Variants in EDA2R observed in about 807,000 individuals in gnomAD.
EDA2R encodes ectodysplasin A2 receptor.
A neutral mutation model predicts 20.1 loss-of-function variants in EDA2R; 26 were observed. That is an observed-to-expected ratio of 1.30 (90% CI 0.95 to 1.80). EDA2R has a LOEUF of 1.80. Among genes scored for constraint, EDA2R ranks in the 40% most tolerant of loss-of-function variants. The probability of loss-of-function intolerance (pLI) is 0.00; values close to 1 mark genes in which losing one functional copy is unlikely to be tolerated. For missense variants in EDA2R, 277 were observed against 228.7 expected (o/e 1.21, Z -1.36); for synonymous variants, 114 against 88.7 (o/e 1.29, Z -1.60).
At chrX:66,630,333 A>G (rs1343411451) in intron 1 of EDA2R, among the ~76,000 whole-genome samples, 1 of 111,703 alleles carries the variant, frequency 9.0e-6, no homozygotes, top group Non-Finnish European at 1.9e-5. Context: ...AAACAAAGAT[A>G]AATAGCCGGG....
At chrX:66,622,931 C>A (rs1288296345) in intron 1 of EDA2R, among the ~76,000 whole-genome samples, 4 of 112,246 alleles carry the variant, frequency 3.6e-5, no homozygotes, top group African/African-American at 1.3e-4. Flanking sequence ...TGGTCCTAGT[C>A]CCAGCTCTGC....
chrX:66,632,843 A>G (rs758235728), intron 1 of EDA2R, among the ~76,000 whole-genome samples: 16 of 112,162 alleles, frequency 1.4e-4, no homozygotes, highest in Non-Finnish European at 2.8e-4. Flanking sequence ...TGGGTACTAC[A>G]GTTTTTAATG....
At chrX:66,601,977 T>C (rs1928689769) in intron 5 of EDA2R, among the ~76,000 whole-genome samples, 1 of 111,948 alleles carries the variant, frequency 8.9e-6, no homozygotes, top group Non-Finnish European at 1.9e-5. Flanking sequence ...CTGTCTGATA[T>C]GGACTGGGCT....
intron 2 of EDA2R, among the ~76,000 whole-genome samples, chrX:66,615,262 T>A (rs1728329145): frequency 8.9e-6 from 1 of 112,054 alleles, no homozygotes; most frequent in African/African-American, 3.2e-5. Flanking sequence ...TAAACAAAAA[T>A]TGCATAAAAT....
intron 1 of EDA2R, among the ~76,000 whole-genome samples, chrX:66,618,801 CA>C (rs898981974): frequency 3.6e-5 from 4 of 111,067 alleles, no homozygotes; most frequent in Non-Finnish European, 7.5e-5. Context: ...TCACATCCAT[CA>C]AAAAAAGAGC....
At chrX:66,609,431 T>C (rs980090195) in intron 2 of EDA2R, among the ~76,000 whole-genome samples, 3 of 111,715 alleles carry the variant, frequency 2.7e-5, no homozygotes, top group Non-Finnish European at 3.8e-5. Context: ...CAATGGGATC[T>C]GACATGGGCA....
intron 1 of EDA2R, among the ~76,000 whole-genome samples, chrX:66,634,331 T>A (rs988506083): frequency 8.9e-6 from 1 of 111,991 alleles, no homozygotes; most frequent in Admixed American, 9.4e-5. Flanking sequence ...AAATGCACAT[T>A]CTTTGAGACC....
intron 2 of EDA2R, among the ~76,000 whole-genome samples, chrX:66,612,488 C>T (rs1294705630): frequency 9.0e-6 from 1 of 110,663 alleles, no homozygotes; most frequent in African/African-American, 3.3e-5. Context: ...GAAAAAGTAA[C>T]GTGTTAGTTT....
At chrX:66,615,050 A>C (rs941132580) in intron 2 of EDA2R, among the ~76,000 whole-genome samples, 2 of 111,574 alleles carry the variant, frequency 1.8e-5, no homozygotes, top group African/African-American at 6.5e-5. Flanking sequence ...TGAAGTAGCC[A>C]CCCAGTCACC....
intron 1 of EDA2R, among the ~76,000 whole-genome samples, chrX:66,623,795 T>A (rs1450195784): frequency 8.9e-6 from 1 of 111,907 alleles, no homozygotes; most frequent in East Asian, 2.8e-4. Flanking sequence ...CTCATCTTCT[T>A]CAGTTCTTTG....
At position 66,627,108 on chromosome X, in the gene EDA2R, G is replaced by T. The variant is rs780050172; in HGVS notation, c.-10-11078C>A. Reference sequence around the variant, plus strand: ...CTACCAAACCACCACTACAAGAACTGCTAAAAGGAGCTCTAAATCTTGAAA... The same window carrying T: ...CTACCAAACCACCACTACAAGAACTTCTAAAAGGAGCTCTAAATCTTGAAA... On this transcript the variant is annotated intron_variant, in intron 1 of 6. Transcript: ENST00000374719. Among the ~76,000 whole-genome samples the T allele has an allele frequency of 3.6e-5, 4 of 111,831 alleles. No individual in the cohort carries two copies. In the East Asian group the frequency reaches 1.1e-3, roughly 31 times the overall value.
In EDA2R at chrX:66,599,799, T is replaced by A. The variant is rs754845841; in HGVS notation, c.579A>T (p.Pro193=). ...ACTCAGCACTGGTCTCCTTGCTGGG[T>A]GGCACGGGGAAGAGAGATTCCTCCT... ...TAKEESLFPV[P]PSKETSAESQ... The change falls in exon 6 of 7, where the codon CCA becomes CCT. Residue 193 remains proline (P), a synonymous_variant. Transcript: ENST00000374719. The A allele has an allele frequency of 5.8e-6, 7 of 1,207,297 alleles. 1 individual carries two copies. The highest frequency in any genetic ancestry group is 5.9e-5 in the East Asian group (2 of 33,648).
At position 66,609,413 on chromosome X, in the gene EDA2R, C is replaced by A. The variant is rs143140235; in HGVS notation, c.88-4187G>T. Among the ~76,000 whole-genome samples the A allele has an allele frequency of 6.6e-3, 739 of 111,516 alleles. 4 individuals are homozygous for A. Among genetic ancestry groups the A allele is most frequent in the African/African-American group, 0.023 (718 of 30,697 alleles). ...CCTTGCAGCCTCACTCACAATGATCCCATCTACCAATGGGATCTGACATGG... is the reference window on the plus strand; with the variant it reads ...CCTTGCAGCCTCACTCACAATGATCACATCTACCAATGGGATCTGACATGG... On this transcript the variant is annotated intron_variant, in intron 2 of 6. Transcript: ENST00000374719.
chrX:66,635,139 G>A (rs1392945974), intron 1 of EDA2R, among the ~76,000 whole-genome samples: 1 of 112,007 alleles, frequency 8.9e-6, no homozygotes, highest in Non-Finnish European at 1.9e-5. Context: ...ACCACTTGAT[G>A]AGTACTTTCT....
Position 66,619,859 on chromosome X carries a change from A to G in EDA2R, c.-10-3829T>C, listed in dbSNP as rs1329603349. ...GGATTTTTTGTCTGTTTCTGATTGCAGTACAACATATACATAGTAAGGAGC... is the reference window on the plus strand; with the variant it reads ...GGATTTTTTGTCTGTTTCTGATTGCGGTACAACATATACATAGTAAGGAGC... On this transcript the variant is annotated intron_variant, in intron 1 of 6. Transcript: ENST00000374719. 9.8e-5 allele frequency among the ~76,000 whole-genome samples: 11 copies of G among 111,776 alleles called. No individual in the cohort carries two copies. The Admixed American group carries it at 1.0e-3, about 11-fold the overall frequency.
chrX:66,603,062 T>C (rs1928945789), intron 4 of EDA2R, among the ~76,000 whole-genome samples: 1 of 112,160 alleles, frequency 8.9e-6, no homozygotes, highest in Non-Finnish European at 1.9e-5. Flanking sequence ...CACATCTAAT[T>C]ATATAATCCA....
At position 66,605,154 on chromosome X, in the gene EDA2R, C is replaced by T. The variant is rs1327520231; in HGVS notation, c.160G>A (p.Gly54Ser). Residue 54 changes from glycine to serine, a missense_variant, in exon 3 of 7, where the codon GGC becomes AGC. Physicochemically the swap from Gly to Ser is moderately conservative, Grantham distance 56. Coordinates refer to ENST00000374719, the MANE Select transcript of EDA2R (RefSeq NM_021783.5). Reference protein sequence around the residue: ...CPPRRYKSSWGHHRCQSCITC... With the variant: ...CPPRRYKSSWSHHRCQSCITC... The stretch of plus-strand genomic sequence containing the variant: ...ATGCAACTCTGACATCTGTGGTGGC[C>T]CCAGCTGCTTTTGTACCTGCGAGGA... The T allele has an allele frequency of 2.5e-6, 3 of 1,209,608 alleles. No homozygotes were observed. Among genetic ancestry groups the T allele is most frequent in the Admixed American group, 2.2e-5 (1 of 45,835 alleles).
chrX:66,618,092 G>C (rs1262266298), intron 1 of EDA2R, among the ~76,000 whole-genome samples: 1 of 111,326 alleles, frequency 9.0e-6, no homozygotes, highest in Non-Finnish European at 1.9e-5. Flanking sequence ...TCATCATATT[G>C]GTCAGGCTGG....
chrX:66,633,322 GAGACTGTGT>G (rs1479372631), intron 1 of EDA2R, among the ~76,000 whole-genome samples: 3 of 111,965 alleles, frequency 2.7e-5, no homozygotes, highest in African/African-American at 9.7e-5. Context: ...ATGGGGAAAA[GAGACTGTGT>G]AGCCAAGAAT....
Sources: allele counts gnomAD v4.1 joint callset (sites outside exome capture counted in the v4.1 genomes callset), GRCh38; gene constraint gnomAD v4.1.1; transcripts MANE v1.5; gene names NCBI Gene and HGNC (gene_info 2026-07-23, HGNC 2026-07-21).